The following VPS8 variants were observed in gnomAD, a reference collection of about 807,000 sequenced individuals.
The protein encoded by VPS8 is VPS8 subunit of CORVET complex.
Under a neutral mutation model 216.4 loss-of-function variants are expected in VPS8, and 129 were observed. The observed-to-expected ratio is 0.60, with a 90% CI of 0.52 to 0.69. The LOEUF (loss-of-function observed/expected upper bound fraction) is 0.69, where lower values mean the gene tolerates loss of function less well. VPS8 is among the 30% of genes least tolerant of loss of function. The pLI, the probability that VPS8 is intolerant of heterozygous loss-of-function variation, is 0.00. For missense variants in VPS8, 1,531 were observed against 1,683.5 expected (o/e 0.91, Z 1.59); for synonymous variants, 571 against 565.4 (o/e 1.01, Z -0.14).
chr3:184,935,301 G>T (rs1560754964), intron 34 of VPS8, among the ~76,000 whole-genome samples: 1 of 152,228 alleles, frequency 6.6e-6, no homozygotes, highest in Non-Finnish European at 1.5e-5. Flanking sequence ...AATGGCTACA[G>T]ATCAGTAGTA....
intron 43 of VPS8, among the ~76,000 whole-genome samples, chr3:184,995,834 G>A (rs1396540991): frequency 6.6e-6 from 1 of 152,106 alleles, no homozygotes; most frequent in African/African-American, 2.4e-5. Context: ...CTCTGCCCAA[G>A]GAAGATGAAA....
At chr3:185,051,448 A>G (rs1278807506) in intron 47 of VPS8, among the ~76,000 whole-genome samples, 1 of 152,048 alleles carries the variant, frequency 6.6e-6, no homozygotes, top group Non-Finnish European at 1.5e-5. Flanking sequence ...CACCCCGAGG[A>G]GAGTGCACCA....
intron 30 of VPS8, among the ~76,000 whole-genome samples, chr3:184,925,632 C>CTT (rs1739449759): frequency 1.3e-5 from 2 of 152,120 alleles, no homozygotes; most frequent in Admixed American, 1.3e-4. Context: ...AATATTAAGT[C>CTT]TTAATAGAGT....
intron 46 of VPS8, among the ~76,000 whole-genome samples, chr3:185,028,978 C>G (rs1757753366): frequency 1.3e-5 from 2 of 152,166 alleles, no homozygotes; most frequent in Admixed American, 6.6e-5. Context: ...ATTTCTGGCT[C>G]TGATGACTAG....
chr3:184,971,489 C>CT (rs1236771426), intron 39 of VPS8, among the ~76,000 whole-genome samples, 160 bp from the exon 40 acceptor site: 1 of 152,164 alleles, frequency 6.6e-6, no homozygotes, highest in Non-Finnish European at 1.5e-5. Flanking sequence ...ACGGAATAAT[C>CT]TGTTTTTTAA....
chr3:184,895,075 T>C, intron 23 of VPS8, 150 bp downstream of exon 23: 1 of 667,268 alleles, frequency 1.5e-6, no homozygotes, highest in East Asian at 2.7e-5. Context: ...AACTTGTATT[T>C]GTCAATATAT....
At chr3:184,996,873 A>G (rs1752681035) in intron 44 of VPS8, among the ~76,000 whole-genome samples, 1 of 152,180 alleles carries the variant, frequency 6.6e-6, no homozygotes, top group African/African-American at 2.4e-5. Context: ...AAAGGTAGGG[A>G]TAACTTGCTG....
intron 23 of VPS8, among the ~76,000 whole-genome samples, chr3:184,896,868 G>C (rs1184860178): frequency 6.6e-6 from 1 of 152,174 alleles, no homozygotes; most frequent in Non-Finnish European, 1.5e-5. Context: ...CCTTAGATTG[G>C]CTAATTATAG....
At chr3:184,855,875 A>G in intron 14 of VPS8, 57 bp downstream of exon 14, 3 of 1,351,394 alleles carry the variant, frequency 2.2e-6, no homozygotes, top group Admixed American at 2.1e-5. Flanking sequence ...TTCATCAGCA[A>G]TTAATAATGT....
chr3:184,909,372 T>C (rs1478605090), intron 25 of VPS8, among the ~76,000 whole-genome samples: 1 of 152,218 alleles, frequency 6.6e-6, no homozygotes, highest in Non-Finnish European at 1.5e-5. Context: ...ATTGCTTTTA[T>C]GGAGGAGATT....
chr3:184,996,468 G>T lies in VPS8; in HGVS notation c.3803G>T (p.Arg1268Leu), dbSNP rs762578556. ...ATATGTTTGCAGCAGTACAAGAGAC[G>T]CCAAGAAATGGCTGATGAAATAATT... The part of the protein sequence containing the change: ...CSICLQQYKR[R>L]QEMADEIIVF... Residue 1268 changes from arginine (R) to leucine (L), a missense_variant, in exon 44 of 48, where the codon CGC becomes CTC. Physicochemically the swap from Arg to Leu is moderately radical, Grantham distance 102. This residue lies in a region of VPS8 where 1,318 missense variants were observed against 1,468.4 expected (regional missense o/e 0.90). Coordinates refer to ENST00000625842, the MANE Select transcript of VPS8 (RefSeq NM_001009921.3). 6.2e-7 allele frequency: 1 copy of T among 1,607,032 alleles called. No individual in the cohort carries two copies. Among genetic ancestry groups the T allele is most frequent in the Non-Finnish European group, 8.5e-7 (1 of 1,177,606 alleles).
chr3:184,855,851 T>C (rs759633679), intron 14 of VPS8, 33 bp downstream of exon 14: 25 of 1,540,024 alleles, frequency 1.6e-5, no homozygotes, highest in South Asian at 7.1e-5. Flanking sequence ...GAAAGCCTCT[T>C]ACAATTTTTT....
chr3:184,848,188 C>T (rs1723498509), intron 8 of VPS8, among the ~76,000 whole-genome samples: 1 of 152,144 alleles, frequency 6.6e-6, no homozygotes. Context: ...GCTGGGATTA[C>T]AGGTGTGAGC....
intron 31 of VPS8, among the ~76,000 whole-genome samples, chr3:184,927,397 C>T (rs1027638668): frequency 5.3e-5 from 8 of 152,092 alleles, no homozygotes; most frequent in East Asian, 1.9e-4. Context: ...CCCCTTTATC[C>T]GCACAGCTAT....
At chr3:185,023,162 T>C (rs553862363) in intron 45 of VPS8, among the ~76,000 whole-genome samples, 6 of 152,214 alleles carry the variant, frequency 3.9e-5, no homozygotes, top group Admixed American at 2.0e-4. Context: ...TCTTTACAAA[T>C]TAATTAAACA....
intron 22 of VPS8, among the ~76,000 whole-genome samples, chr3:184,887,653 T>C (rs1297409482): frequency 1.3e-5 from 2 of 152,206 alleles, no homozygotes; most frequent in African/African-American, 4.8e-5. Context: ...TTCTTGGTTT[T>C]AACCACTAGC....
At chr3:185,038,865 A>T (rs1759257376) in intron 46 of VPS8, among the ~76,000 whole-genome samples, 1 of 152,308 alleles carries the variant, frequency 6.6e-6, no homozygotes, top group South Asian at 2.1e-4. Context: ...ATCCAGGGCA[A>T]GGGTGATCAG....
At chr3:185,023,180 A>G (rs927457891) in intron 45 of VPS8, among the ~76,000 whole-genome samples, 1 of 152,184 alleles carries the variant, frequency 6.6e-6, no homozygotes. Context: ...ACAGTAGATT[A>G]GTTTGGATTT....
chr3:184,827,150 G>A (rs995264930), intron 3 of VPS8, among the ~76,000 whole-genome samples: 12 of 152,222 alleles, frequency 7.9e-5, no homozygotes, highest in Non-Finnish European at 1.5e-4. Flanking sequence ...GTATACCAAA[G>A]CTCCGAGTGA....
Sources: gnomAD v4.1 joint callset for allele counts (sites outside exome capture counted in the v4.1 genomes callset) on GRCh38, gnomAD v4.1.1 for gene constraint, gnomAD v4.1.1 regional missense constraint, MANE v1.5 for transcripts, NCBI Gene and HGNC (gene_info 2026-07-23, HGNC 2026-07-21) for gene names.